PTPRF: variants seen among roughly 807,000 people sequenced by gnomAD.
The protein encoded by PTPRF is receptor-type tyrosine-protein phosphatase F.
A neutral mutation model predicts 201.8 loss-of-function variants in PTPRF; 59 were observed. That is an observed-to-expected ratio of 0.29 (90% CI 0.24 to 0.36). PTPRF has a LOEUF of 0.36. Ranked by LOEUF, PTPRF falls within the 10% of genes least tolerant of loss-of-function variation. The pLI, the probability that PTPRF is intolerant of heterozygous loss-of-function variation, is 1.00. For missense variants in PTPRF, 2,132 were observed against 2,690.5 expected, an observed-to-expected ratio of 0.79 and a Z score of 4.59; for synonymous variants, 1,088 against 1,089.7, an observed-to-expected ratio of 1.00 and a Z score of 0.03.
intron 3 of PTPRF, among the ~76,000 whole-genome samples, chr1:43,549,035 G>A (rs774559949): frequency 8.5e-5 from 13 of 152,212 alleles, no homozygotes; most frequent in Non-Finnish European, 1.6e-4. Flanking sequence ...CATGGGCTTG[G>A]TGGCTCGAGA....
chr1:43,618,692 C>G lies in PTPRF; in HGVS notation c.4434C>G (p.Thr1478=), dbSNP rs771227173. ...GTETCGLIQV[T]LLDTVELATY... ...AGACCTGTGGCCTTATTCAGGTGACCCTGTTGGACACAGTGGAGCTGGCCA... is the reference window on the plus strand; with the variant it reads ...AGACCTGTGGCCTTATTCAGGTGACGCTGTTGGACACAGTGGAGCTGGCCA... The change falls in exon 26 of 34, where the codon ACC becomes ACG. Residue 1478 remains threonine (T), a synonymous_variant. Transcript: ENST00000359947. The G allele has an allele frequency of 3.1e-6, 5 of 1,612,694 alleles. No individual in the cohort carries two copies. In the East Asian group the frequency reaches 1.1e-4, roughly 36 times the overall value.
In PTPRF at chr1:43,620,860, G is replaced by A. The variant is rs768967831; in HGVS notation, c.5387G>A (p.Arg1796Gln). 1.1e-5 allele frequency: 17 copies of A among 1,613,322 alleles called. No individual in the cohort carries two copies. The highest frequency in any genetic ancestry group is 1.4e-5 in the Non-Finnish European group (17 of 1,179,488). Residue 1796 changes from arginine (R) to glutamine (Q), a missense_variant, in exon 32 of 34, where the codon CGG (arginine) becomes CAG (glutamine). Arg to Gln is a conservative substitution (Grantham distance 43). This residue lies in a region of PTPRF where 519 missense variants were observed against 659.5 expected (regional missense o/e 0.79). Transcript: ENST00000359947. Reference protein sequence around the residue: ...DARDGQSRTIRQFQFTDWPEQ... With the variant: ...DARDGQSRTIQQFQFTDWPEQ... ...CAGGATGGGCAGTCAAGGACAATCC[G>A]GCAGTTCCAGTTCACAGACTGGCCA...
intron 5 of PTPRF, among the ~76,000 whole-genome samples, chr1:43,566,081 G>T (rs755637443): frequency 2.0e-5 from 3 of 152,188 alleles, no homozygotes; most frequent in Admixed American, 6.5e-5. Context: ...AGATGCAAAC[G>T]CCGCGGCGCG....
intron 8 of PTPRF, 119 bp downstream of exon 8, chr1:43,589,119 C>T: frequency 8.0e-7 from 1 of 1,242,492 alleles, no homozygotes; most frequent in Non-Finnish European, 1.1e-6. Flanking sequence ...TTGCCCTTTC[C>T]TGGGTGTCCC....
At chr1:43,589,167 A>ATT (rs1649959933) in intron 8 of PTPRF, among the ~76,000 whole-genome samples, 167 bp downstream of exon 8, 1 of 149,964 alleles carries the variant, frequency 6.7e-6, no homozygotes, top group South Asian at 2.1e-4. Context: ...GGAGGGAGGG[A>ATT]TTTCTGTTAT....
At chr1:43,597,171 C>G (rs201144131) in intron 11 of PTPRF, among the ~76,000 whole-genome samples, 1 of 148,402 alleles carries the variant, frequency 6.7e-6, no homozygotes, top group East Asian at 2.0e-4. Context: ...GACTGTGAGA[C>G]ACTATGTGTA....
At chr1:43,613,364 G>A in intron 22 of PTPRF, 1 of 454,240 alleles carries the variant, frequency 2.2e-6, no homozygotes, top group Admixed American at 3.5e-5. Context: ...GACCTGCCAG[G>A]CAGGGCCTAG....
chr1:43,621,281 G>A, intron 33 of PTPRF, 49 bp downstream of exon 33: 1 of 1,599,510 alleles, frequency 6.3e-7, no homozygotes, highest in Non-Finnish European at 8.5e-7. Flanking sequence ...CAGCGCTGCT[G>A]GGAACCCTAG....
intron 2 of PTPRF, 95 bp from the exon 3 acceptor site, chr1:43,544,936 A>G: frequency 1.4e-6 from 1 of 713,594 alleles, no homozygotes. Flanking sequence ...CTGGATGGTC[A>G]GTGAGGATGA....
At chr1:43,592,342 C>T in intron 10 of PTPRF, 115 bp from the exon 11 acceptor site, 1 of 1,301,506 alleles carries the variant, frequency 7.7e-7, no homozygotes, top group Non-Finnish European at 1.1e-6. Context: ...TGGTGTGGAG[C>T]CAGTCCTGGA....
At chr1:43,595,306 C>G (rs943801648) in intron 11 of PTPRF, among the ~76,000 whole-genome samples, 12 of 152,198 alleles carry the variant, frequency 7.9e-5, no homozygotes, top group African/African-American at 2.9e-4. Context: ...CGTCCACCTC[C>G]TGGGTTCAGG....
chr1:43,594,829 C>A (rs551026129), intron 11 of PTPRF, among the ~76,000 whole-genome samples: 7 of 152,264 alleles, frequency 4.6e-5, no homozygotes, highest in Admixed American at 2.0e-4. Flanking sequence ...ATCTACATGG[C>A]AGTGCTCGGC....
chr1:43,601,973 T>C, intron 13 of PTPRF, 98 bp from the exon 14 acceptor site: 1 of 1,449,802 alleles, frequency 6.9e-7, no homozygotes, highest in Non-Finnish European at 9.7e-7. Context: ...AAGCCCTCCC[T>C]CTGTCCTCCC....
chr1:43,538,973 T>C (rs1218729176), intron 2 of PTPRF, among the ~76,000 whole-genome samples: 1 of 152,230 alleles, frequency 6.6e-6, no homozygotes, highest in Non-Finnish European at 1.5e-5. Context: ...TGAAGGTTCT[T>C]AAGCAGAGAA....
In PTPRF at chr1:43,617,544, C is replaced by T. The variant is rs1210951527; in HGVS notation, c.4171C>T (p.Arg1391Ter). Residue 1391 changes from arginine to a stop codon, truncating the protein, a stop_gained, in exon 24 of 34, where the codon CGA (arginine) becomes TGA (stop). Transcript: ENST00000359947. LOFTEE classifies it high-confidence loss of function. ...YANVIAYDHS[R>*]VILTSIDGVP... The stretch of plus-strand genomic sequence containing the variant: ...GAATGTCATCGCCTACGACCACTCT[C>T]GAGTCATCCTTACCTCTATCGATGG... The T allele has an allele frequency of 1.2e-6, 2 of 1,614,052 alleles. No homozygotes were observed. The highest frequency in any genetic ancestry group is 1.7e-6 in the Non-Finnish European group (2 of 1,180,008).
chr1:43,544,603 T>C (rs1157557189), intron 2 of PTPRF, among the ~76,000 whole-genome samples: 1 of 152,206 alleles, frequency 6.6e-6, no homozygotes, highest in African/African-American at 2.4e-5. Flanking sequence ...CTGCTCCTTG[T>C]CACTGTCTTG....
intron 6 of PTPRF, among the ~76,000 whole-genome samples, chr1:43,571,578 T>G (rs1472181519): frequency 1.3e-5 from 2 of 152,182 alleles, no homozygotes; most frequent in Non-Finnish European, 2.9e-5. Context: ...TCAAGTTGGT[T>G]TGAGAGCTCT....
chr1:43,567,923 G>A (rs1349538995), intron 5 of PTPRF, among the ~76,000 whole-genome samples: 1 of 152,142 alleles, frequency 6.6e-6, no homozygotes, highest in Admixed American at 6.5e-5. Flanking sequence ...GACAGACAAA[G>A]AACACACATT....
chr1:43,589,080 C>G, intron 8 of PTPRF, 80 bp downstream of exon 8: 2 of 1,431,550 alleles, frequency 1.4e-6, no homozygotes, highest in Non-Finnish European at 1.8e-6. Context: ...GAGCTGGCTG[C>G]CATGGGCACA....
Sources: gnomAD v4.1 joint callset for allele counts (sites outside exome capture counted in the v4.1 genomes callset) on GRCh38, gnomAD v4.1.1 for gene constraint, gnomAD v4.1.1 regional missense constraint, MANE v1.5 for transcripts, NCBI Gene and HGNC (gene_info 2026-07-23, HGNC 2026-07-21) for gene names.